TBC1D9: variants seen among roughly 807,000 people sequenced by gnomAD.
TBC1D9 encodes the protein TBC1 domain family member 9A.
TBC1D9 carries 63 observed loss-of-function variants against 132.0 expected under a neutral mutation model. That is an observed-to-expected ratio of 0.48 (90% CI 0.39 to 0.59). The LOEUF (loss-of-function observed/expected upper bound fraction) is 0.59. Ranked by LOEUF, TBC1D9 falls within the 20% of genes least tolerant of loss-of-function variation. The pLI, the probability that TBC1D9 is intolerant of heterozygous loss-of-function variation, is 0.00. For synonymous variants in TBC1D9, 610 were observed against 609.9 expected, an observed-to-expected ratio of 1.00 and a Z score of 0.00; for missense variants, 1,261 against 1,592.7, an observed-to-expected ratio of 0.79 and a Z score of 3.54.
chr4:140,641,241 G>C (rs1736988926), intron 13 of TBC1D9, among the ~76,000 whole-genome samples: 1 of 152,104 alleles, frequency 6.6e-6, no homozygotes, highest in African/African-American at 2.4e-5. Flanking sequence ...GATATGAAAG[G>C]GGCACAAGGG....
Position 140,622,226 on chromosome 4 carries a change from C to G in TBC1D9, c.3770G>C (p.Ser1257Thr). ...GGACATGGCCGAGATTTCATAGTCA[C>G]TGGCCGAGGTGAGGGGCTTGCCCAT... ...RMMGKPLTSA[S>T]DYEISAMSG The change falls in exon 21 of 21, where the codon AGT becomes ACT. Residue 1257 changes from serine to threonine, a missense_variant. Transcript: ENST00000442267. 2 of 1,589,664 alleles carry G rather than the reference C, an allele frequency of 1.3e-6. No homozygotes were observed. The highest frequency in any genetic ancestry group is 1.7e-6 in the Non-Finnish European group (2 of 1,159,944).
intron 1 of TBC1D9, among the ~76,000 whole-genome samples, chr4:140,711,003 C>G (rs537413915): frequency 6.6e-6 from 1 of 152,266 alleles, no homozygotes; most frequent in East Asian, 1.9e-4. Context: ...CTCATTCTTT[C>G]CCCACGAACA....
In TBC1D9 at chr4:140,668,975, C is replaced by T. The variant is rs890829934; in HGVS notation, c.1530G>A (p.Glu510=). 2 of 1,614,020 alleles carry T rather than the reference C, an allele frequency of 1.2e-6. No individual in the cohort carries two copies. Among genetic ancestry groups the T allele is most frequent in the Non-Finnish European group, 1.7e-6 (2 of 1,179,902 alleles). Residue 510 remains glutamate (E), a synonymous_variant, in exon 9 of 21, where the codon GAG becomes GAA. Transcript: ENST00000442267. ...TCTCCGGGATGCCCTTCAACACCAG[C>T]TCCCGCGTTTTCTCTGTGCGGTACA... The part of the protein sequence containing the change: ...ICMYRTEKTR[E]LVLKGIPESM...
chr4:140,755,861 G>A (rs1739004111), intron 1 of TBC1D9, 55 bp downstream of exon 1: 1 of 1,480,610 alleles, frequency 6.8e-7, no homozygotes, highest in Admixed American at 2.3e-5. Context: ...CAGGCCGCGG[G>A]CGGCGCCGCA....
chr4:140,647,288 T>C (rs1737117783), intron 13 of TBC1D9, among the ~76,000 whole-genome samples: 1 of 152,108 alleles, frequency 6.6e-6, no homozygotes, highest in Non-Finnish European at 1.5e-5. Context: ...GTTAATTAAG[T>C]CCCCCAGAGT....
Position 140,657,628 on chromosome 4 carries a change from T to A in TBC1D9, c.2106A>T (p.Gly702=), listed in dbSNP as rs1220889967. The change falls in exon 12 of 21, where the codon GGA becomes GGT. Residue 702 remains glycine, a synonymous_variant. Transcript: ENST00000442267. The stretch of plus-strand genomic sequence containing the variant: ...GGGCCAACTGGAATATCACTTTAAT[T>A]CCTTCATAGAAGAAACAGTCAACAA... ...VVVVDCFFYE[G]IKVIFQLALA... is the part of the protein sequence containing the mutation. The A allele has an allele frequency of 3.1e-6, 5 of 1,613,962 alleles. No individual in the cohort carries two copies. Among genetic ancestry groups the A allele is most frequent in the Non-Finnish European group, 4.2e-6 (5 of 1,179,866 alleles).
chr4:140,680,538 A>G lies in TBC1D9; in HGVS notation c.361-695T>C, dbSNP rs77862363. Among the ~76,000 whole-genome samples the G allele has an allele frequency of 9.2e-3, 1,396 of 152,248 alleles. 18 individuals carry two copies. Among genetic ancestry groups the G allele is most frequent in the African/African-American group, 0.031 (1,293 of 41,540 alleles). On this transcript the variant is annotated intron_variant, in intron 3 of 20. Coordinates refer to ENST00000442267, the MANE Select transcript of TBC1D9 (RefSeq NM_015130.3). ...TAATTCCCTGAAAATTGGCTTCTACATATATCTCGATGGAAAATGCTCCCT... is the reference window on the plus strand; with the variant it reads ...TAATTCCCTGAAAATTGGCTTCTACGTATATCTCGATGGAAAATGCTCCCT...
chr4:140,687,395 T>TATATAA (rs1209807437), intron 2 of TBC1D9, among the ~76,000 whole-genome samples: 1 of 100,790 alleles, frequency 9.9e-6, no homozygotes. Context: ...TATATATATA[T>TATATAA]AAACATATAG....
intron 1 of TBC1D9, among the ~76,000 whole-genome samples, chr4:140,723,291 A>G (rs1424724745): frequency 1.3e-5 from 2 of 152,212 alleles, no homozygotes; most frequent in Non-Finnish European, 2.9e-5. Flanking sequence ...AGGGTTTAGT[A>G]AGAGAAGGTG....
At chr4:140,652,776 T>C (rs1737207008) in intron 13 of TBC1D9, among the ~76,000 whole-genome samples, 1 of 152,244 alleles carries the variant, frequency 6.6e-6, no homozygotes, top group Non-Finnish European at 1.5e-5. Flanking sequence ...GCTATTATAG[T>C]AATCATTAAT....
chr4:140,754,661 TC>T (rs1738980155), intron 1 of TBC1D9, among the ~76,000 whole-genome samples: 1 of 147,370 alleles, frequency 6.8e-6, no homozygotes, highest in Non-Finnish European at 1.5e-5. Flanking sequence ...GTGGGCTGAT[TC>T]CAATATTAGA....
intron 1 of TBC1D9, among the ~76,000 whole-genome samples, chr4:140,729,685 T>C (rs1206471869): frequency 1.3e-5 from 2 of 151,956 alleles, no homozygotes; most frequent in Non-Finnish European, 2.9e-5. Context: ...CTGGGCCTGG[T>C]GGCATGCGCC....
At chr4:140,641,442 C>T (rs962492705) in intron 13 of TBC1D9, among the ~76,000 whole-genome samples, 7 of 152,278 alleles carry the variant, frequency 4.6e-5, no homozygotes, top group African/African-American at 1.7e-4. Flanking sequence ...TAAAAATGAA[C>T]TCAGTATGTT....
chr4:140,718,245 C>T (rs1342178493), intron 1 of TBC1D9, among the ~76,000 whole-genome samples: 7 of 71,024 alleles, frequency 9.9e-5, no homozygotes, highest in Admixed American at 8.4e-4. Flanking sequence ...TTCCTTTTTT[C>T]AGAAAAAAAA....
At chr4:140,653,513 A>T (rs904134637) in intron 13 of TBC1D9, among the ~76,000 whole-genome samples, 5 of 152,128 alleles carry the variant, frequency 3.3e-5, no homozygotes, top group Non-Finnish European at 7.3e-5. Context: ...CTACATTCAG[A>T]TTTAATTGGT....
intron 1 of TBC1D9, among the ~76,000 whole-genome samples, chr4:140,710,364 G>A (rs1019598506): frequency 2.0e-5 from 3 of 152,054 alleles, no homozygotes; most frequent in Non-Finnish European, 2.9e-5. Flanking sequence ...TAAGAGAGGT[G>A]GAGCGCCCAC....
intron 1 of TBC1D9, among the ~76,000 whole-genome samples, chr4:140,704,741 A>G (rs113406901): frequency 0.054 from 8,262 of 152,238 alleles, 765 homozygotes; most frequent in African/African-American, 0.19. Flanking sequence ...AATGTTCCCA[A>G]CTAAAATCCA....
chr4:140,746,888 C>T lies in TBC1D9; in HGVS notation c.130+9028G>A, dbSNP rs144179955. Among the ~76,000 whole-genome samples, 417 of 152,186 alleles carry T rather than the reference C, an allele frequency of 2.7e-3. 1 individual carries two copies. Among genetic ancestry groups the T allele is most frequent in the African/African-American group, 8.9e-3 (370 of 41,520 alleles). Reference sequence around the variant, plus strand: ...GTCTTGTAAAGAATACTAAATAGGACGGGCGCAGTGGCTCATGCCTATAAT... The same window carrying T: ...GTCTTGTAAAGAATACTAAATAGGATGGGCGCAGTGGCTCATGCCTATAAT... On this transcript the variant is annotated intron_variant, in intron 1 of 20. Transcript: ENST00000442267.
At chr4:140,679,887 G>GT in intron 3 of TBC1D9, 44 bp from the exon 4 acceptor site, 1 of 1,487,436 alleles carries the variant, frequency 6.7e-7, no homozygotes, top group Non-Finnish European at 9.2e-7. Flanking sequence ...GTATTAATAT[G>GT]ACTAGAGATG....
Sources: allele counts gnomAD v4.1 joint callset (sites outside exome capture counted in the v4.1 genomes callset), GRCh38; gene constraint gnomAD v4.1.1; transcripts MANE v1.5; gene names NCBI Gene and HGNC (gene_info 2026-07-23, HGNC 2026-07-21).